The following CSNK1G1 variants were observed in gnomAD, a reference collection of about 807,000 sequenced individuals.
CSNK1G1 encodes the protein casein kinase 1 gamma 1.
CSNK1G1 carries 22 observed loss-of-function variants against 59.6 expected under a neutral mutation model. That is an observed-to-expected ratio of 0.37 (90% CI 0.26 to 0.53). The LOEUF (loss-of-function observed/expected upper bound fraction) is 0.53. CSNK1G1 is among the 20% of genes least tolerant of loss of function. CSNK1G1 has a pLI of 0.89. For missense variants in CSNK1G1, 384 were observed against 519.5 expected (o/e 0.74, Z 2.54); for synonymous variants, 179 against 177.1 (o/e 1.01, Z -0.08).
At chr15:64,300,242 G>A (rs1291942050) in intron 2 of CSNK1G1, 77 bp downstream of exon 2, 24 of 1,382,508 alleles carry the variant, frequency 1.7e-5, no homozygotes, top group Admixed American at 1.1e-4. Flanking sequence ...AACTATAAAC[G>A]GCTTGTCTTG....
chr15:64,289,330 G>C (rs1442141811), intron 2 of CSNK1G1, among the ~76,000 whole-genome samples: 1 of 152,118 alleles, frequency 6.6e-6, no homozygotes, highest in Non-Finnish European at 1.5e-5. Context: ...ATGCAATGCA[G>C]ACTGTGTGTC....
chr15:64,270,971 T>C (rs1209372177), intron 2 of CSNK1G1, among the ~76,000 whole-genome samples: 1 of 152,194 alleles, frequency 6.6e-6, no homozygotes, highest in East Asian at 1.9e-4. Context: ...TTACTATGTA[T>C]GTGTGTATTT....
intron 1 of CSNK1G1, among the ~76,000 whole-genome samples, chr15:64,310,708 CA>C (rs1293298294): frequency 6.7e-6 from 1 of 149,168 alleles, no homozygotes; most frequent in Non-Finnish European, 1.5e-5. Context: ...CACTCTGTCT[CA>C]AAAAAAAGGA....
Position 64,225,199 on chromosome 15 carries a change from G to C in CSNK1G1, c.293-8486C>G, listed in dbSNP as rs180941898. 4.3e-3 allele frequency among the ~76,000 whole-genome samples: 654 copies of C among 151,868 alleles called. 2 individuals are homozygous for C. The highest frequency in any genetic ancestry group is 7.3e-3 in the Non-Finnish European group (495 of 67,928). The stretch of plus-strand genomic sequence containing the variant: ...AATTTTTGCATTTTTAGTAGAGCTG[G>C]GGTTTCACCATGTTAGCCAGGCTGG... On this transcript the variant is annotated intron_variant, in intron 4 of 11. Coordinates refer to ENST00000303052, the MANE Select transcript of CSNK1G1 (RefSeq NM_022048.5).
At chr15:64,294,209 A>G (rs1009301704) in intron 2 of CSNK1G1, among the ~76,000 whole-genome samples, 7 of 152,190 alleles carry the variant, frequency 4.6e-5, no homozygotes, top group Admixed American at 2.6e-4. Flanking sequence ...AGTAGCTGGG[A>G]TTACAGGCGT....
At chr15:64,286,814 T>A (rs1207712315) in intron 2 of CSNK1G1, among the ~76,000 whole-genome samples, 1 of 152,202 alleles carries the variant, frequency 6.6e-6, no homozygotes, top group African/African-American at 2.4e-5. Context: ...AATAGTATAA[T>A]ATTAAACTTC....
At chr15:64,293,358 T>C (rs1333970777) in intron 2 of CSNK1G1, among the ~76,000 whole-genome samples, 1 of 152,240 alleles carries the variant, frequency 6.6e-6, no homozygotes, top group Non-Finnish European at 1.5e-5. Context: ...TGTGTAAGTA[T>C]GTTTAACTTC....
intron 1 of CSNK1G1, among the ~76,000 whole-genome samples, chr15:64,331,662 C>A (rs1197950484): frequency 1.6e-5 from 2 of 126,300 alleles, no homozygotes; most frequent in African/African-American, 3.0e-5. Context: ...GCAACAAAAG[C>A]CAAAATTGAC....
At chr15:64,332,260 A>C (rs1897147434) in intron 1 of CSNK1G1, among the ~76,000 whole-genome samples, 1 of 98,468 alleles carries the variant, frequency 1.0e-5, no homozygotes, top group Non-Finnish European at 2.1e-5. Context: ...AATGGCAAAG[A>C]CTTGGAACCA....
At chr15:64,262,853 T>G (rs904207288) in intron 2 of CSNK1G1, among the ~76,000 whole-genome samples, 1 of 151,998 alleles carries the variant, frequency 6.6e-6, no homozygotes, top group African/African-American at 2.4e-5. Flanking sequence ...CCAAGGTGGG[T>G]GGATCACCTG....
intron 2 of CSNK1G1, chr15:64,265,694 AC>A (rs1403820430): frequency 2.7e-6 from 1 of 374,158 alleles, no homozygotes; most frequent in Non-Finnish European, 5.2e-6. Flanking sequence ...AATAAATTCA[AC>A]CAAAGGGGTG....
chr15:64,276,817 G>A (rs1489503547), intron 2 of CSNK1G1, among the ~76,000 whole-genome samples: 2 of 151,708 alleles, frequency 1.3e-5, no homozygotes, highest in Admixed American at 1.3e-4. Context: ...GGTAGTGGCG[G>A]GCACCTGTAG....
rs2081628091 is a variant in CSNK1G1 at position 64,168,496 on chromosome 15, G to A, written c.*3435C>T. 6.6e-6 allele frequency: 1 copy of A among 152,222 alleles called. No individual in the cohort carries two copies. Among genetic ancestry groups the A allele is most frequent in the Non-Finnish European group, 1.5e-5 (1 of 68,058 alleles). The allele number at this position is 152,222 out of a possible 1,614,324, so 9.4% of individuals were successfully genotyped here. ...GCCTGTGTGCCTCAAATCTGTTTAG[G>A]ATGCAATGTCTGAGGGACTGTAGAG... On this transcript the variant is annotated 3_prime_UTR_variant, in exon 12 of 12. Coordinates refer to ENST00000303052, the MANE Select transcript of CSNK1G1 (RefSeq NM_022048.5).
intron 3 of CSNK1G1, among the ~76,000 whole-genome samples, chr15:64,253,044 C>CAAAT (rs1892175891): frequency 1.3e-5 from 2 of 152,054 alleles, no homozygotes; most frequent in African/African-American, 4.8e-5. Context: ...CTCATCTTTA[C>CAAAT]AAATAAATAA....
chr15:64,238,776 C>G (rs931693625), intron 4 of CSNK1G1, among the ~76,000 whole-genome samples: 4 of 151,680 alleles, frequency 2.6e-5, no homozygotes, highest in African/African-American at 7.3e-5. Context: ...TGCCATGCCC[C>G]CCCAGGGATA....
chr15:64,194,289 G>A (rs571108406), intron 10 of CSNK1G1: 6 of 151,708 alleles, frequency 4.0e-5, no homozygotes, highest in African/African-American at 1.2e-4. Flanking sequence ...CCTGAGCCTC[G>A]GTCAGAACTA....
At chr15:64,305,373 A>G (rs1895618940) in intron 1 of CSNK1G1, among the ~76,000 whole-genome samples, 1 of 152,152 alleles carries the variant, frequency 6.6e-6, no homozygotes, top group Non-Finnish European at 1.5e-5. Context: ...ACACTGTAGG[A>G]CAATTTGAGT....
rs548590347 is a variant in CSNK1G1 at position 64,311,204 on chromosome 15, C to T, written c.-224-10481G>A. Among the ~76,000 whole-genome samples, 3 of 151,860 alleles carry T rather than the reference C, an allele frequency of 2.0e-5. No homozygotes were observed. The South Asian group carries it at 6.2e-4, about 32-fold the overall frequency. On this transcript the variant is annotated intron_variant, in intron 1 of 11. Coordinates refer to ENST00000303052, the MANE Select transcript of CSNK1G1 (RefSeq NM_022048.5). Reference sequence around the variant, plus strand: ...GGGATTACAGGCATGCACCACCATGCCCAGCTAATTTTGGTATTTTTAGTA... The same window carrying T: ...GGGATTACAGGCATGCACCACCATGTCCAGCTAATTTTGGTATTTTTAGTA...
intron 10 of CSNK1G1, among the ~76,000 whole-genome samples, chr15:64,201,568 T>C (rs1043956614): frequency 1.3e-5 from 2 of 152,144 alleles, no homozygotes; most frequent in African/African-American, 4.8e-5. Flanking sequence ...GCCCACCTAT[T>C]TTCTCGTTTA....
Sources: gnomAD v4.1 joint callset for allele counts (sites outside exome capture counted in the v4.1 genomes callset) on GRCh38, gnomAD v4.1.1 for gene constraint, MANE v1.5 for transcripts, NCBI Gene and HGNC (gene_info 2026-07-23, HGNC 2026-07-21) for gene names.